The following FGF12 variants were observed in gnomAD, a reference collection of about 807,000 sequenced individuals.
FGF12 encodes the protein fibroblast growth factor 12.
Under a neutral mutation model 23.6 loss-of-function variants are expected in FGF12, and 14 were observed. The ratio of observed to expected loss-of-function variants is 0.59; its 90% CI spans 0.39 to 0.93. The LOEUF (loss-of-function observed/expected upper bound fraction) is 0.93. Ranked by LOEUF, FGF12 falls within the 40% of genes least tolerant of loss-of-function variation. FGF12 has a pLI of 0.00. For synonymous variants in FGF12, 62 were observed against 77.3 expected, an observed-to-expected ratio of 0.80 and a Z score of 1.04; for missense variants, 175 against 217.8, an observed-to-expected ratio of 0.80 and a Z score of 1.24.
At chr3:192,248,763 G>A (rs1341002921) in intron 4 of FGF12, among the ~76,000 whole-genome samples, 1 of 152,168 alleles carries the variant, frequency 6.6e-6, no homozygotes, top group Non-Finnish European at 1.5e-5. Context: ...CTGGGCAACA[G>A]AGAGAGACCC....
Position 192,623,945 on chromosome 3 carries a change from C to A in FGF12, c.13+103236G>T, listed in dbSNP as rs553014338. Reference sequence around the variant, plus strand: ...TTTATGGAGCCTCCAAAAACATGCTCGACTGTATAATCAATTTTAAGACTA... The same window carrying A: ...TTTATGGAGCCTCCAAAAACATGCTAGACTGTATAATCAATTTTAAGACTA... On this transcript the variant is annotated intron_variant, in intron 2 of 5. Transcript: ENST00000445105. 1.3e-5 allele frequency among the ~76,000 whole-genome samples: 2 copies of A among 152,126 alleles called. 1 individual carries two copies. The highest frequency in any genetic ancestry group is 4.2e-4 in the South Asian group (2 of 4,808).
chr3:192,248,453 T>C (rs1711784427), intron 4 of FGF12, among the ~76,000 whole-genome samples: 1 of 152,230 alleles, frequency 6.6e-6, no homozygotes, highest in African/African-American at 2.4e-5. Flanking sequence ...TCACATTCTC[T>C]GGCATGTGGC....
intron 2 of FGF12, among the ~76,000 whole-genome samples, chr3:192,701,041 G>A (rs1004459120): frequency 1.3e-5 from 2 of 152,056 alleles, no homozygotes; most frequent in Non-Finnish European, 2.9e-5. Context: ...TCACTAAGAG[G>A]AGTCTGGCAC....
intron 2 of FGF12, among the ~76,000 whole-genome samples, chr3:192,367,272 G>A (rs1719025448): frequency 6.6e-6 from 1 of 152,186 alleles, no homozygotes; most frequent in Admixed American, 6.5e-5. Flanking sequence ...AACATAGATT[G>A]TGGAGTAGTT....
intron 2 of FGF12, among the ~76,000 whole-genome samples, chr3:192,719,204 A>G (rs1220535748): frequency 2.6e-5 from 4 of 152,214 alleles, no homozygotes; most frequent in Non-Finnish European, 5.9e-5. Context: ...ATACAATGTC[A>G]TAATTCCACC....
chr3:192,157,019 G>T lies in FGF12; in HGVS notation c.428-12892C>A, dbSNP rs565876162. 2.0e-5 allele frequency among the ~76,000 whole-genome samples: 3 copies of T among 152,280 alleles called. No homozygotes were observed. The South Asian group carries it at 6.2e-4, about 32-fold the overall frequency. On this transcript the variant is annotated intron_variant, in intron 5 of 5. Transcript: ENST00000445105. Reference sequence around the variant, plus strand: ...GGAGAGATTTAACCCAGCTTTCTGAGTGAAAATAAGGTAGAGATTTGGTGC... The same window carrying T: ...GGAGAGATTTAACCCAGCTTTCTGATTGAAAATAAGGTAGAGATTTGGTGC...
intron 2 of FGF12, among the ~76,000 whole-genome samples, chr3:192,476,468 G>A (rs1723328277): frequency 6.6e-6 from 1 of 152,160 alleles, no homozygotes; most frequent in Non-Finnish European, 1.5e-5. Flanking sequence ...CATATGGGAA[G>A]TACTTGATAA....
chr3:192,264,510 C>T (rs934572482), intron 4 of FGF12, among the ~76,000 whole-genome samples: 5 of 151,780 alleles, frequency 3.3e-5, no homozygotes, highest in African/African-American at 9.7e-5. Flanking sequence ...AAAGGGTAAA[C>T]AAAAATTCAA....
chr3:192,470,858 C>T (rs1577002686), intron 2 of FGF12, among the ~76,000 whole-genome samples: 1 of 152,240 alleles, frequency 6.6e-6, no homozygotes, highest in East Asian at 1.9e-4. Flanking sequence ...GAAGCATGAC[C>T]TCCTTGGGCT....
At chr3:192,567,436 T>C (rs910808779) in intron 2 of FGF12, among the ~76,000 whole-genome samples, 4 of 152,184 alleles carry the variant, frequency 2.6e-5, no homozygotes, top group African/African-American at 9.7e-5. Flanking sequence ...GAGATTATTA[T>C]AGAAAGCTTA....
intron 4 of FGF12, among the ~76,000 whole-genome samples, chr3:192,192,120 T>C (rs1716824263): frequency 1.3e-5 from 2 of 152,148 alleles, no homozygotes; most frequent in South Asian, 2.1e-4. Flanking sequence ...CCAAAAACTT[T>C]AACATGCTAA....
chr3:192,154,142 C>T (rs1239932260), intron 5 of FGF12, among the ~76,000 whole-genome samples: 3 of 115,668 alleles, frequency 2.6e-5, no homozygotes, highest in Non-Finnish European at 3.7e-5. Flanking sequence ...ATGTAGTTCT[C>T]GAGCCTTGGT....
chr3:192,613,587 A>C (rs1714631775), intron 2 of FGF12, among the ~76,000 whole-genome samples: 1 of 151,928 alleles, frequency 6.6e-6, no homozygotes, highest in Non-Finnish European at 1.5e-5. Context: ...TAGACCTTCA[A>C]CACAATTTTC....
At chr3:192,392,591 CGAGAGAGAGAGAGAGAGAGAGAGA>C (rs67784749) in intron 2 of FGF12, among the ~76,000 whole-genome samples, 2 of 41,846 alleles carry the variant, frequency 4.8e-5, no homozygotes, top group Non-Finnish European at 8.0e-5. Context: ...AGTGAAACTC[CGAGAGAGAGAGAGAGAGAGAGAGA>C]GAGAGAGAGA....
chr3:192,691,344 A>G (rs1717937107), intron 2 of FGF12, among the ~76,000 whole-genome samples: 1 of 152,130 alleles, frequency 6.6e-6, no homozygotes, highest in Non-Finnish European at 1.5e-5. Flanking sequence ...ATCTTTTCCA[A>G]CCACAATGGT....
At chr3:192,355,608 G>A (rs1437968172) in intron 3 of FGF12, among the ~76,000 whole-genome samples, 2 of 152,184 alleles carry the variant, frequency 1.3e-5, no homozygotes, top group South Asian at 2.1e-4. Flanking sequence ...GTAAGAGGAT[G>A]TAAGAAAAGA....
rs1163492591 is a variant in FGF12, at chr3:192,319,528, C to T, written c.228+15833G>A. ...ACGAGAAGAACTTGAACCTGGGAGG[C>T]GGAGGTTGCAGTGAGCTGAGATCGC... On this transcript the variant is annotated intron_variant, in intron 4 of 5. Coordinates refer to ENST00000445105, the MANE Select transcript of FGF12 (RefSeq NM_004113.6). Among the ~76,000 whole-genome samples the T allele has an allele frequency of 3.9e-5, 6 of 151,926 alleles. No homozygotes were observed. The East Asian group carries it at 9.6e-4, about 24-fold the overall frequency.
At chr3:192,496,447 C>T (rs1425571386) in intron 2 of FGF12, among the ~76,000 whole-genome samples, 4 of 152,052 alleles carry the variant, frequency 2.6e-5, no homozygotes, top group African/African-American at 9.7e-5. Flanking sequence ...GCAATATCCG[C>T]CGTCTTTTTC....
chr3:192,426,880 C>T (rs770176694), intron 2 of FGF12, among the ~76,000 whole-genome samples: 6 of 151,982 alleles, frequency 3.9e-5, no homozygotes, highest in South Asian at 4.1e-4. Flanking sequence ...ACGGTAGAAA[C>T]GTAGGTTAAT....
Sources: gnomAD v4.1 joint callset for allele counts (sites outside exome capture counted in the v4.1 genomes callset) on GRCh38, gnomAD v4.1.1 for gene constraint, MANE v1.5 for transcripts, NCBI Gene and HGNC (gene_info 2026-07-23, HGNC 2026-07-21) for gene names.